SLC23A1: variants seen among roughly 807,000 people sequenced by gnomAD.
SLC23A1 encodes Na(+)/L-ascorbic acid transporter 1.
SLC23A1 carries 31 observed loss-of-function variants against 62.5 expected under a neutral mutation model. The observed-to-expected ratio is 0.50, with a 90% CI of 0.37 to 0.67. SLC23A1 has a LOEUF of 0.67. SLC23A1 is among the 30% of genes least tolerant of loss of function. SLC23A1 has a pLI of 0.00. For missense variants in SLC23A1, 640 were observed against 782.7 expected (o/e 0.82, Z 2.18); for synonymous variants, 271 against 313.2 (o/e 0.87, Z 1.42).
Position 139,382,496 on chromosome 5 carries a change from A to C in SLC23A1, c.146T>G (p.Phe49Cys), listed in dbSNP as rs773743478. ...PPWYLCILLG[F>C]QHYLTCFSGT... ...GGGAGGCCCTGGGGGACCCACCTGG[A>C]AGCCCAGCAGGATGCACAGGTACCA... is the stretch of plus-strand genomic sequence containing the variant. The change falls in exon 2 of 15, where the codon TTC (phenylalanine) becomes TGC (cysteine). Residue 49 changes from phenylalanine (F) to cysteine (C), a missense_variant. By Grantham distance (205) the Phe-to-Cys change is radical (BLOSUM62 -2). Transcript: ENST00000348729. 3.1e-6 allele frequency: 5 copies of C among 1,603,420 alleles called. No homozygotes were observed. The African/African-American group carries it at 5.4e-5, about 17-fold the overall frequency.
rs1234443785 is a variant in SLC23A1 at position 139,379,611 on chromosome 5, G to T, written c.925+67C>A. On this transcript the variant is annotated intron_variant, in intron 8 of 14. Transcript: ENST00000348729. This position sits in a 1 kb window ranked among gnomAD's most constrained non-coding sequence, Gnocchi z 4.7. ...TAGGTGTGTCACCTGCTGGATTGGGGTCACCAGGAGTCTGTCTCATAGGTG... is the reference window on the plus strand; with the variant it reads ...TAGGTGTGTCACCTGCTGGATTGGGTTCACCAGGAGTCTGTCTCATAGGTG... The T allele has an allele frequency of 1.9e-5, 27 of 1,449,636 alleles. No individual in the cohort carries two copies. The highest frequency in any genetic ancestry group is 2.6e-5 in the Non-Finnish European group (27 of 1,049,478). 89.8% of individuals were successfully genotyped at this position (1,449,636 alleles called of 1,614,324 possible).
At chr5:139,382,179 C>A in intron 2 of SLC23A1, 130 bp from the exon 3 acceptor site, 1 of 866,084 alleles carries the variant, frequency 1.2e-6, no homozygotes, top group Non-Finnish European at 1.8e-6. Context: ...TGGCAGTCCC[C>A]ACAAGGGATT....
At chr5:139,369,055 ACAAGCAC>A in intron 14 of SLC23A1, 1 of 347,612 alleles carries the variant, frequency 2.9e-6, no homozygotes, top group Non-Finnish European at 5.2e-6. Context: ...CAAGTTGTGA[ACAAGCAC>A]CAAATTAAAA....
rs1195392963 is a variant in SLC23A1 at position 139,378,992 on chromosome 5, GT to G, written c.1073+214del. Among the ~76,000 whole-genome samples the G allele has an allele frequency of 3.3e-5, 5 of 152,174 alleles. No individual in the cohort carries two copies. Among genetic ancestry groups the G allele is most frequent in the Non-Finnish European group, 7.3e-5 (5 of 68,028 alleles). On this transcript the variant is annotated intron_variant, in intron 9 of 14. Transcript: ENST00000348729. This position sits in a 1 kb window ranked among gnomAD's most constrained non-coding sequence, Gnocchi z 4.5. ...GGCACATGGAGGGCTGTCAATGACG[GT>G]GGTTCCCTTTGGACTCCACCATCTT... is the stretch of plus-strand genomic sequence containing the variant.
rs1470324752 is a variant in SLC23A1 at position 139,380,637 on chromosome 5, G to T, written c.398-5C>A. 1.2e-6 allele frequency: 2 copies of T among 1,611,012 alleles called. No individual in the cohort carries two copies. Among genetic ancestry groups the T allele is most frequent in the African/African-American group, 2.7e-5 (2 of 74,814 alleles). On this transcript the variant is annotated splice_polypyrimidine_tract_variant and splice_region_variant and intron_variant, in intron 4 of 14. Coordinates refer to ENST00000348729, the MANE Select transcript of SLC23A1 (RefSeq NM_005847.5). Reference sequence around the variant, plus strand: ...TCCAGTTACCGTAGATCTCCTCTGGGGGTAGAGTCAGGGATACACACACGG... The same window carrying T: ...TCCAGTTACCGTAGATCTCCTCTGGTGGTAGAGTCAGGGATACACACACGG...
rs755109818 is a variant in SLC23A1, at chr5:139,372,118, A to G, written c.1685T>C (p.Ile562Thr). The stretch of plus-strand genomic sequence containing the variant: ...TCCTTTGAAGACTGGGCAGATAGGA[A>G]TGTATTTCAGAAAGGTAATTCTTTT... ...IVKRITFLKY[I>T]PICPVFKGFS... is the part of the protein sequence containing the mutation. The change falls in exon 14 of 15, where the codon ATT (isoleucine) becomes ACT (threonine). Residue 562 changes from isoleucine (I) to threonine (T), a missense_variant. Physicochemically the swap from Ile to Thr is moderately conservative, Grantham distance 89. Coordinates refer to ENST00000348729, the MANE Select transcript of SLC23A1 (RefSeq NM_005847.5). The G allele has an allele frequency of 4.3e-6, 7 of 1,613,736 alleles. No homozygotes were observed. In the South Asian group the frequency reaches 6.6e-5, roughly 15 times the overall value.
intron 1 of SLC23A1, among the ~76,000 whole-genome samples, chr5:139,382,987 G>A (rs1359184136): frequency 6.6e-6 from 1 of 152,158 alleles, no homozygotes; most frequent in Non-Finnish European, 1.5e-5. Flanking sequence ...TCACTGGCCG[G>A]GAGATTAGGC....
chr5:139,371,895 AAG>A (rs1757688520), intron 14 of SLC23A1, 90 bp downstream of exon 14: 3 of 950,560 alleles, frequency 3.2e-6, no homozygotes, highest in African/African-American at 3.3e-5. Context: ...GTTTACAAGA[AAG>A]AGAACTGAGT....
chr5:139,379,308 C>T lies in SLC23A1; in HGVS notation c.972G>A (p.Met324Ile), dbSNP rs777918355. Residue 324 changes from methionine (M) to isoleucine (I), a missense_variant, in exon 9 of 15, where the codon ATG becomes ATA. Physicochemically the swap from Met to Ile is conservative, Grantham distance 10 (BLOSUM62 1). Coordinates refer to ENST00000348729, the MANE Select transcript of SLC23A1 (RefSeq NM_005847.5). The surrounding 1 kb of genome is among the most constrained non-coding windows in gnomAD (Gnocchi z 4.7). ...PTVTAAAVLG[M>I]FSATLAGIIE... ...TGATGCCTGCCAGAGTGGCGCTGAA[C>T]ATTCCCAGGACAGCAGCCGCAGTCA... The T allele has an allele frequency of 1.2e-6, 2 of 1,614,194 alleles. No homozygotes were observed. The highest frequency in any genetic ancestry group is 1.7e-6 in the Non-Finnish European group (2 of 1,180,022).
chr5:139,374,323 C>T (rs1231448073), intron 13 of SLC23A1, among the ~76,000 whole-genome samples: 3 of 152,136 alleles, frequency 2.0e-5, no homozygotes, highest in Non-Finnish European at 4.4e-5. Flanking sequence ...TGGCGGGCAC[C>T]GGTAGTCCCA....
In SLC23A1 at chr5:139,380,612, T is replaced by G. The variant is rs1460097483; in HGVS notation, c.418A>C (p.Ser140Arg). The G allele has an allele frequency of 6.2e-7, 1 of 1,613,808 alleles. No homozygotes were observed. The highest frequency in any genetic ancestry group is 8.5e-7 in the Non-Finnish European group (1 of 1,179,764). ...PPEEEIYGNW[S>R]LPLNTSHIWH... Reference sequence around the variant, plus strand: ...ATATGAGAGGTGTTCAGGGGCAGACTCCAGTTACCGTAGATCTCCTCTGGG... The same window carrying G: ...ATATGAGAGGTGTTCAGGGGCAGACGCCAGTTACCGTAGATCTCCTCTGGG... Residue 140 changes from serine (S) to arginine (R), a missense_variant, in exon 5 of 15, where the codon AGT becomes CGT. Transcript: ENST00000348729.
chr5:139,380,700 C>A, intron 4 of SLC23A1, 68 bp from the exon 5 acceptor site: 1 of 1,485,608 alleles, frequency 6.7e-7, no homozygotes, highest in Non-Finnish European at 9.4e-7. Context: ...AAGATGCTGC[C>A]ATGGCTGCAC....
At position 139,378,832 on chromosome 5, in the gene SLC23A1, C is replaced by G. The variant is rs1024017473; in HGVS notation, c.1074-148G>C. ...CCTACTACAGGCCAGAATGCTCAGG[C>G]TCCAGAGCTAGTCCTAGTGCCCTGG... On this transcript the variant is annotated intron_variant, in intron 9 of 14. Transcript: ENST00000348729. The surrounding 1 kb of genome is among the most constrained non-coding windows in gnomAD (Gnocchi z 4.5). The G allele has an allele frequency of 1.5e-6, 1 of 658,240 alleles. No individual in the cohort carries two copies. The highest frequency in any genetic ancestry group is 1.8e-5 in the African/African-American group (1 of 55,488). The allele number at this position is 658,240 out of a possible 1,614,324, so 40.8% of individuals were successfully genotyped here.
intron 14 of SLC23A1, chr5:139,368,804 C>T (rs747318352): frequency 1.4e-5 from 23 of 1,602,560 alleles, no homozygotes; most frequent in South Asian, 4.4e-5. Flanking sequence ...TTTGAGTAGA[C>T]GGGGCCCTCT....
intron 13 of SLC23A1, among the ~76,000 whole-genome samples, chr5:139,376,404 G>A (rs994439716): frequency 5.3e-5 from 8 of 152,022 alleles, no homozygotes; most frequent in African/African-American, 1.9e-4. Flanking sequence ...TCCTGACCTC[G>A]TGATCCACCC....
At chr5:139,384,335 C>G (rs1758424418), upstream of SLC23A1, 3 of 1,270,228 alleles carry the variant, frequency 2.4e-6, no homozygotes, top group African/African-American at 1.5e-5. Context: ...TGCCCCAGCC[C>G]CAGCACTCTA....
chr5:139,380,481 A>G, intron 5 of SLC23A1, 84 bp downstream of exon 5: 1 of 1,595,328 alleles, frequency 6.3e-7, no homozygotes, highest in African/African-American at 1.3e-5. Flanking sequence ...CACCTCCTCA[A>G]ATCCCCAAAC....
At chr5:139,384,299 G>A, upstream of SLC23A1, 19 of 1,177,912 alleles carry the variant, frequency 1.6e-5, no homozygotes, top group Non-Finnish European at 2.0e-5. Flanking sequence ...CTGGGCCTGA[G>A]GTCCCCATTC....
upstream of SLC23A1, among the ~76,000 whole-genome samples, chr5:139,385,569 G>T (rs181746003): frequency 3.3e-4 from 50 of 152,272 alleles, no homozygotes; most frequent in African/African-American, 1.1e-3. Flanking sequence ...GTTTTCCTTG[G>T]TTCTCTTTTC....
Sources: gnomAD v4.1 joint callset for allele counts (sites outside exome capture counted in the v4.1 genomes callset) on GRCh38, gnomAD v4.1.1 for gene constraint, Gnocchi (gnomAD v3.1) non-coding constraint, MANE v1.5 for transcripts, NCBI Gene and HGNC (gene_info 2026-07-23, HGNC 2026-07-21) for gene names.